Variants in ITPKC observed in about 807,000 individuals in gnomAD.
ITPKC encodes the protein inositol-trisphosphate 3-kinase C, also known as IP3 3-kinase C.
A neutral mutation model predicts 67.1 loss-of-function variants in ITPKC; 33 were observed. The ratio of observed to expected loss-of-function variants is 0.49; its 90% confidence interval spans 0.37 to 0.66. The LOEUF is 0.66. Ranked by LOEUF, ITPKC falls within the 30% of genes least tolerant of loss-of-function variation. The pLI is 0.00. For missense variants in ITPKC, 820 were observed against 892.1 expected (o/e 0.92, Z 1.03); for synonymous variants, 341 against 359.8 (o/e 0.95, Z 0.59).
chr19:40,733,416 C>T, intron 4 of ITPKC, 52 bp downstream of exon 4: 1 of 1,514,910 alleles, frequency 6.6e-7, no homozygotes, highest in Non-Finnish European at 9.0e-7. Flanking sequence ...TAGCCAGATC[C>T]CAGGCAGGGC....
At chr19:40,719,093 C>T in intron 1 of ITPKC, among the ~76,000 whole-genome samples, 1 of 152,144 alleles carries the variant, frequency 6.6e-6, no homozygotes, top group East Asian at 1.9e-4. Context: ...GGGCTGGGAG[C>T]CGAGTCCGGA....
At chr19:40,737,992 G>GAAAA (rs35811447) in intron 6 of ITPKC, among the ~76,000 whole-genome samples, 1 of 114,450 alleles carries the variant, frequency 8.7e-6, no homozygotes, top group African/African-American at 3.5e-5. Flanking sequence ...TCTCTATTTG[G>GAAAA]AAAAAAAAAA....
Position 40,717,772 on chromosome 19 carries a change from C to A in ITPKC, c.637C>A (p.Pro213Thr). 1 of 1,613,936 alleles carries A rather than the reference C, an allele frequency of 6.2e-7. No individual in the cohort carries two copies. Among genetic ancestry groups the A allele is most frequent in the Non-Finnish European group, 8.5e-7 (1 of 1,179,938 alleles). ...CCAGACTCACCCAGAAGGAGCCTGT[C>A]CCTCAAAAGAGCCAAGTGCTGATGG... ...SLQTHPEGAC[P>T]SKEPSADGSW... Residue 213 changes from proline to threonine, a missense_variant, in exon 1 of 7, where the codon CCC (proline) becomes ACC (threonine). Pro to Thr is a conservative substitution (Grantham distance 38). Transcript: ENST00000263370.
rs192656929 is a variant in ITPKC at position 40,727,054 on chromosome 19, G to T, written c.1255+1615G>T. On this transcript the variant is annotated intron_variant, in intron 2 of 6. Transcript: ENST00000263370. ...GAGACCCTGTCTCAAAAATAAATAC[G>T]CCAGGGGCGGTGGCTCACGCCTGTA... Among the ~76,000 whole-genome samples the T allele has an allele frequency of 2.0e-5, 3 of 152,166 alleles. No individual in the cohort carries two copies. In the East Asian group the frequency reaches 5.8e-4, roughly 29 times the overall value.
chr19:40,733,586 T>G (rs375914750), intron 4 of ITPKC, among the ~76,000 whole-genome samples: 8 of 152,288 alleles, frequency 5.3e-5, no homozygotes, highest in African/African-American at 1.9e-4. Flanking sequence ...CCTCCTCTCC[T>G]TCTCCATGGT....
intron 1 of ITPKC, among the ~76,000 whole-genome samples, chr19:40,724,873 C>T (rs1036884447): frequency 5.3e-5 from 8 of 150,138 alleles, no homozygotes; most frequent in Non-Finnish European, 8.9e-5. Context: ...ACTTGAACCT[C>T]GGAGGCAGAG....
intron 1 of ITPKC, among the ~76,000 whole-genome samples, chr19:40,722,000 C>A (rs78552852): frequency 1.3e-4 from 18 of 142,618 alleles, no homozygotes; most frequent in Non-Finnish European, 1.1e-4. Context: ...GATCCTGTCT[C>A]AAAAAAAAAA....
At chr19:40,720,132 G>T (rs138743218) in intron 1 of ITPKC, among the ~76,000 whole-genome samples, 1 of 152,096 alleles carries the variant, frequency 6.6e-6, no homozygotes, top group Non-Finnish European at 1.5e-5. Flanking sequence ...TTGGGAGGCC[G>T]AGGCAGGGGG....
intron 1 of ITPKC, among the ~76,000 whole-genome samples, chr19:40,719,159 G>C (rs1313515559): frequency 6.6e-6 from 1 of 152,270 alleles, no homozygotes; most frequent in Non-Finnish European, 1.5e-5. Flanking sequence ...GGGGCCCCTG[G>C]CTGGAGTCTG....
Position 40,717,637 on chromosome 19 carries a change from G to A in ITPKC, c.502G>A (p.Gly168Arg), listed in dbSNP as rs1407676978. 1 of 1,614,142 alleles carries A rather than the reference G, an allele frequency of 6.2e-7. No individual in the cohort carries two copies. The highest frequency in any genetic ancestry group is 1.1e-5 in the South Asian group (1 of 91,084). The change falls in exon 1 of 7, where the codon GGG (glycine) becomes AGG (arginine). Residue 168 changes from glycine (G) to arginine (R), a missense_variant. Around this residue, in one of 2 missense-constraint regions of ITPKC, gnomAD observed 481 missense variants for 470.1 expected, o/e 1.02. Transcript: ENST00000263370. ...PEEASPWTQPGVHGPWTELET... is the reference protein window; with the variant it reads ...PEEASPWTQPRVHGPWTELET... ...GGAGGCCAGCCCCTGGACACAGCCA[G>A]GGGTTCATGGGCCCTGGACAGAGCT... is the stretch of plus-strand genomic sequence containing the variant.
intron 4 of ITPKC, among the ~76,000 whole-genome samples, chr19:40,735,819 A>G (rs1369083672): frequency 1.3e-5 from 2 of 152,302 alleles, no homozygotes; most frequent in East Asian, 1.9e-4. Flanking sequence ...AACAGATAAC[A>G]TTAGTCTCAT....
chr19:40,739,873 A>G lies in ITPKC; in HGVS notation c.*313A>G. 1 of 403,678 alleles carries G rather than the reference A, an allele frequency of 2.5e-6. No homozygotes were observed. The highest frequency in any genetic ancestry group is 5.2e-5 in the East Asian group (1 of 19,050). The allele number at this position is 403,678 out of a possible 1,614,324, so 25.0% of individuals were successfully genotyped here. On this transcript the variant is annotated 3_prime_UTR_variant, in exon 7 of 7. Coordinates refer to ENST00000263370, the MANE Select transcript of ITPKC (RefSeq NM_025194.3). ...CTGAGGGGCTGCCCTGAGAGCATTC[A>G]GTTCACATGTCACAGGGTATGGTGT... is the stretch of plus-strand genomic sequence containing the variant.
intron 6 of ITPKC, 74 bp downstream of exon 6, chr19:40,737,843 AGTTACAG>A: frequency 8.0e-7 from 1 of 1,252,968 alleles, no homozygotes; most frequent in Non-Finnish European, 1.2e-6. Flanking sequence ...ACCATTGATG[AGTTACAG>A]GTCAAAGATA....
At position 40,733,471 on chromosome 19, in the gene ITPKC, G is replaced by A. The variant is rs8112781; in HGVS notation, c.1674+107G>A. 7,734 of 1,052,230 alleles carry A rather than the reference G, an allele frequency of 7.4e-3. 346 individuals are homozygous for A. In the African/African-American group the frequency reaches 0.1, roughly 14 times the overall value. 65.2% of individuals were successfully genotyped at this position (1,052,230 alleles called of 1,614,324 possible). ...GAGAGTGCAGGAGACGGCGTGGGAT[G>A]AAAGGCTGGGGCTGGGGAAGCCCAG... On this transcript the variant is annotated intron_variant, in intron 4 of 6. Transcript: ENST00000263370.
chr19:40,739,840 G>A lies in ITPKC; in HGVS notation c.*280G>A. The A allele has an allele frequency of 2.1e-6, 1 of 482,230 alleles. No homozygotes were observed. The highest frequency in any genetic ancestry group is 3.8e-6 in the Non-Finnish European group (1 of 265,720). The allele number at this position is 482,230 out of a possible 1,614,324, so 29.9% of individuals were successfully genotyped here. A position where few individuals can be genotyped will look rare whatever the true frequency, so the allele number is the denominator to read the frequency against. Reference sequence around the variant, plus strand: ...AGAACGGGGTCCCCGGATCTGCCGGGAAGGCTTCTGAGGGGCTGCCCTGAG... The same window carrying A: ...AGAACGGGGTCCCCGGATCTGCCGGAAAGGCTTCTGAGGGGCTGCCCTGAG... On this transcript the variant is annotated 3_prime_UTR_variant, in exon 7 of 7. Transcript: ENST00000263370.
rs1364724476 is a variant in ITPKC at position 40,717,146 on chromosome 19, G to T, written c.11G>T (p.Cys4Phe). The change falls in exon 1 of 7, where the codon TGC becomes TTC. Residue 4 changes from cysteine to phenylalanine, a missense_variant. By Grantham distance (205) the Cys-to-Phe change is radical. Coordinates refer to ENST00000263370, the MANE Select transcript of ITPKC (RefSeq NM_025194.3). ...ACCGAAGGAGCGGGCATGAGGCGCT[G>T]CCCGTGCCGTGGGAGCCTGAACGAG... MRR[C>F]PCRGSLNEAE... The T allele has an allele frequency of 1.6e-6, 2 of 1,226,928 alleles. No individual in the cohort carries two copies. The highest frequency in any genetic ancestry group is 1.6e-5 in the African/African-American group (1 of 64,104). The allele number at this position is 1,226,928 out of a possible 1,614,324, so 76.0% of individuals were successfully genotyped here.
intron 4 of ITPKC, 46 bp downstream of exon 4, chr19:40,733,410 C>T (rs762080581): frequency 2.0e-6 from 3 of 1,536,566 alleles, no homozygotes; most frequent in South Asian, 1.2e-5. Context: ...GGCCTATAGC[C>T]AGATCCCAGG....
chr19:40,728,627 C>A (rs2082256683), intron 2 of ITPKC, among the ~76,000 whole-genome samples: 1 of 152,128 alleles, frequency 6.6e-6, no homozygotes, highest in African/African-American at 2.4e-5. Flanking sequence ...TGTGTACAAT[C>A]AAAAATTACA....
At chr19:40,728,738 G>C (rs1177698217) in intron 2 of ITPKC, among the ~76,000 whole-genome samples, 2 of 152,172 alleles carry the variant, frequency 1.3e-5, no homozygotes, top group Non-Finnish European at 2.9e-5. Context: ...AGACTTTTAA[G>C]AGTTGCGGCC....
Sources: allele counts gnomAD v4.1 joint callset (sites outside exome capture counted in the v4.1 genomes callset), GRCh38; gene constraint gnomAD v4.1.1; regional missense constraint gnomAD v4.1.1; transcripts MANE v1.5; gene names NCBI Gene and HGNC (gene_info 2026-07-23, HGNC 2026-07-21).